The following RFX7 variants were observed in gnomAD, a reference collection of about 807,000 sequenced individuals.
RFX7 encodes the protein DNA-binding protein RFX7.
Under a neutral mutation model 111.8 loss-of-function variants are expected in RFX7, and 26 were observed. The ratio of observed to expected loss-of-function variants is 0.23; its 90% CI spans 0.17 to 0.32. The LOEUF (loss-of-function observed/expected upper bound fraction) is 0.32. Ranked by LOEUF, RFX7 falls within the 10% of genes least tolerant of loss-of-function variation. The pLI is 1.00. For missense variants in RFX7, 1,573 were observed against 1,772.9 expected (o/e 0.89, Z 2.02); for synonymous variants, 624 against 624.4 (o/e 1.00, Z 0.01).
chr15:56,225,648 T>C (rs116374608), intron 2 of RFX7, among the ~76,000 whole-genome samples: 171 of 152,300 alleles, frequency 1.1e-3, no homozygotes, highest in African/African-American at 4.0e-3. Context: ...TCTAGCTTAA[T>C]TCCTCTCTGC....
intron 2 of RFX7, among the ~76,000 whole-genome samples, chr15:56,204,930 A>G (rs1324578763): frequency 6.6e-6 from 1 of 152,224 alleles, no homozygotes; most frequent in African/African-American, 2.4e-5. Context: ...AATAAGTAGT[A>G]TACACAGAAA....
At chr15:56,213,609 C>G (rs747376188) in intron 2 of RFX7, among the ~76,000 whole-genome samples, 1 of 152,046 alleles carries the variant, frequency 6.6e-6, no homozygotes, top group Non-Finnish European at 1.5e-5. Flanking sequence ...TTGTCTTGAC[C>G]GTATCAATGT....
At chr15:56,174,861 G>A (rs1028304736) in intron 3 of RFX7, among the ~76,000 whole-genome samples, 2 of 152,066 alleles carry the variant, frequency 1.3e-5, no homozygotes, top group Admixed American at 6.6e-5. Context: ...ACAAGCTAAT[G>A]TTAACTTCAT....
chr15:56,170,641 T>C (rs1417143696), intron 3 of RFX7, among the ~76,000 whole-genome samples: 1 of 152,204 alleles, frequency 6.6e-6, no homozygotes, highest in African/African-American at 2.4e-5. Flanking sequence ...ACTAGCCACA[T>C]GTGGCTATTT....
At chr15:56,242,515 G>C (rs1291229948) in intron 2 of RFX7, among the ~76,000 whole-genome samples, 1 of 152,062 alleles carries the variant, frequency 6.6e-6, no homozygotes, top group Non-Finnish European at 1.5e-5. Context: ...AAACCACTTT[G>C]TTGTAAACTA....
Position 56,094,396 on chromosome 15 carries a change from G to C in RFX7, c.3332C>G (p.Ser1111Cys). The C allele has an allele frequency of 6.2e-7, 1 of 1,613,924 alleles. No homozygotes were observed. Among genetic ancestry groups the C allele is most frequent in the Middle Eastern group, 1.6e-4 (1 of 6,062 alleles). Residue 1111 changes from serine (S) to cysteine (C), a missense_variant, in exon 10 of 10, where the codon TCC becomes TGC. Physicochemically the swap from Ser to Cys is moderately radical, Grantham distance 112. Around this residue, in one of 7 missense-constraint regions of RFX7, gnomAD observed 411 missense variants for 478.1 expected, o/e 0.86. Coordinates refer to ENST00000559447, the MANE Select transcript of RFX7 (RefSeq NM_022841.7). ...ACCAAAATGAGTGTCATGATGTCTGGATTGAGACTGATAAGACTGTCCAGG... is the reference window on the plus strand; with the variant it reads ...ACCAAAATGAGTGTCATGATGTCTGCATTGAGACTGATAAGACTGTCCAGG... Reference protein sequence around the residue: ...AVPGQSYQSQSRHHDTHFGRL... With the variant: ...AVPGQSYQSQCRHHDTHFGRL...
In RFX7 at chr15:56,096,006, A is replaced by C; in HGVS notation, c.1722T>G (p.Asn574Lys). The C allele has an allele frequency of 6.2e-7, 1 of 1,612,822 alleles. No individual in the cohort carries two copies. The highest frequency in any genetic ancestry group is 8.5e-7 in the Non-Finnish European group (1 of 1,179,486). ...AAGGTTTCTGCAGTGCTCCGTCTGT[A>C]TTACTTTTCTGCCCCAAAAGGGCAC... is the stretch of plus-strand genomic sequence containing the variant. The part of the protein sequence containing the change: ...TPSALLGQKS[N>K]TDGALQKPSN... The change falls in exon 10 of 10, where the codon AAT becomes AAG. Residue 574 changes from asparagine to lysine, a missense_variant. Around this residue, in one of 7 missense-constraint regions of RFX7, gnomAD observed 625 missense variants for 632.2 expected, o/e 0.99. Transcript: ENST00000559447.
At chr15:56,191,463 G>A (rs1595999066) in intron 2 of RFX7, among the ~76,000 whole-genome samples, 2 of 152,068 alleles carry the variant, frequency 1.3e-5, no homozygotes, top group South Asian at 2.1e-4. Flanking sequence ...AAAAATACAC[G>A]TATCACTCAA....
chr15:56,094,514 C>T lies in RFX7; in HGVS notation c.3214G>A (p.Val1072Ile), dbSNP rs770520496. 9 of 1,613,934 alleles carry T rather than the reference C, an allele frequency of 5.6e-6. No individual in the cohort carries two copies. The South Asian group carries it at 7.7e-5, about 14-fold the overall frequency. Residue 1072 changes from valine to isoleucine, a missense_variant, in exon 10 of 10, where the codon GTT becomes ATT. Val to Ile is a conservative substitution (Grantham distance 29, BLOSUM62 3). Coordinates refer to ENST00000559447, the MANE Select transcript of RFX7 (RefSeq NM_022841.7). ...LEWMNNGYSGVGNSSVSGHGI... is the reference protein window; with the variant it reads ...LEWMNNGYSGIGNSSVSGHGI... ...TGGCCAGAAACTGATGAATTACCAACCCCACTATACCCATTATTCATCCAT... is the reference window on the plus strand; with the variant it reads ...TGGCCAGAAACTGATGAATTACCAATCCCACTATACCCATTATTCATCCAT...
At chr15:56,203,416 T>G (rs2043214812) in intron 2 of RFX7, among the ~76,000 whole-genome samples, 1 of 152,216 alleles carries the variant, frequency 6.6e-6, no homozygotes, top group South Asian at 2.1e-4. Context: ...GATTTTAATT[T>G]AAGGATTAAG....
At chr15:56,244,610 C>T (rs1408810610), upstream of RFX7, among the ~76,000 whole-genome samples, 3 of 144,764 alleles carry the variant, frequency 2.1e-5, no homozygotes, top group Non-Finnish European at 4.5e-5. Flanking sequence ...CAGGAATGCC[C>T]TCCCTCCTTT....
At chr15:56,237,855 A>G (rs1302371256) in intron 2 of RFX7, among the ~76,000 whole-genome samples, 1 of 152,182 alleles carries the variant, frequency 6.6e-6, no homozygotes, top group Admixed American at 6.5e-5. Flanking sequence ...GGAACCAGAA[A>G]CCATGTTGGG....
chr15:56,232,914 A>T (rs1410277225), intron 2 of RFX7, among the ~76,000 whole-genome samples: 1 of 152,184 alleles, frequency 6.6e-6, no homozygotes, highest in Admixed American at 6.5e-5. Context: ...AGGCCATTCA[A>T]CAAGTCTCTA....
intron 5 of RFX7, among the ~76,000 whole-genome samples, chr15:56,119,994 C>G (rs182420892): frequency 6.6e-6 from 1 of 152,006 alleles, no homozygotes; most frequent in South Asian, 2.1e-4. Flanking sequence ...CTCTGGCTAT[C>G]TCTTTTAATA....
chr15:56,148,417 G>T (rs1226282727), intron 3 of RFX7, among the ~76,000 whole-genome samples: 1 of 152,170 alleles, frequency 6.6e-6, no homozygotes, highest in Non-Finnish European at 1.5e-5. Context: ...ATTCTGGACA[G>T]AAAAGCCTGT....
chr15:56,188,245 A>T (rs980385245), intron 2 of RFX7, among the ~76,000 whole-genome samples: 1 of 152,236 alleles, frequency 6.6e-6, no homozygotes, highest in African/African-American at 2.4e-5. Context: ...TGGAAAATCA[A>T]TAGGTCTATT....
chr15:56,105,745 G>C (rs2041821987), intron 5 of RFX7, among the ~76,000 whole-genome samples: 1 of 152,160 alleles, frequency 6.6e-6, no homozygotes, highest in South Asian at 2.1e-4. Context: ...CATAAAGTGA[G>C]CAAAATTAAT....
intron 3 of RFX7, among the ~76,000 whole-genome samples, chr15:56,162,234 C>G (rs982622923): frequency 1.6e-4 from 25 of 152,178 alleles, no homozygotes; most frequent in African/African-American, 5.8e-4. Flanking sequence ...ACAGCCTTAA[C>G]AAACAGGTAG....
At chr15:56,122,750 C>CAA (rs35284443) in intron 5 of RFX7, among the ~76,000 whole-genome samples, 92,813 of 151,666 alleles carry the variant, frequency 0.61, 28,711 homozygotes, top group East Asian at 0.85. Flanking sequence ...AACCACAAGA[C>CAA]AGTCCTTCCC....
Sources: gnomAD v4.1 joint callset for allele counts (sites outside exome capture counted in the v4.1 genomes callset) on GRCh38, gnomAD v4.1.1 for gene constraint, gnomAD v4.1.1 regional missense constraint, MANE v1.5 for transcripts, NCBI Gene and HGNC (gene_info 2026-07-23, HGNC 2026-07-21) for gene names.